The following RAB3B variants were observed in gnomAD, a reference collection of about 807,000 sequenced individuals.
RAB3B encodes RAB3B, member RAS oncogene family.
A neutral mutation model predicts 20.5 loss-of-function variants in RAB3B; 11 were observed. The observed-to-expected ratio is 0.54, with a 90% CI of 0.34 to 0.89. The LOEUF (loss-of-function observed/expected upper bound fraction) is 0.89, where lower values mean the gene tolerates loss of function less well. Among genes scored for constraint, RAB3B ranks in the 40% least tolerant of loss-of-function variants. The pLI, the probability that RAB3B is intolerant of heterozygous loss-of-function variation, is 0.02. For synonymous variants in RAB3B, 99 were observed against 106.3 expected, an observed-to-expected ratio of 0.93 and a Z score of 0.42; for missense variants, 225 against 280.9, an observed-to-expected ratio of 0.80 and a Z score of 1.42.
At chr1:51,984,057 G>A (rs1457337245) in intron 1 of RAB3B, among the ~76,000 whole-genome samples, 2 of 151,610 alleles carry the variant, frequency 1.3e-5, no homozygotes, top group Non-Finnish European at 2.9e-5. Flanking sequence ...GAGGTCAGGA[G>A]TTCGAGACCA....
At chr1:51,967,521 CTT>C (rs71041868) in intron 2 of RAB3B, among the ~76,000 whole-genome samples, 2 of 36,514 alleles carry the variant, frequency 5.5e-5, no homozygotes, top group Non-Finnish European at 1.1e-4. Context: ...TTTTCTTTTT[CTT>C]TTTTTTTTTT....
At chr1:51,944,993 C>A (rs545047151) in intron 2 of RAB3B, among the ~76,000 whole-genome samples, 1 of 152,152 alleles carries the variant, frequency 6.6e-6, no homozygotes, top group Non-Finnish European at 1.5e-5. Flanking sequence ...AAGAATCAAT[C>A]GATGCAGCAA....
rs4537499 is a variant in RAB3B, at chr1:51,915,880, G to A, written c.*4047C>T. 0.54 allele frequency: 81,725 copies of A among 151,976 alleles called. 22,954 individuals are homozygous for A. The highest frequency in any genetic ancestry group is 0.85 in the East Asian group (4,412 of 5,168). 9.4% of individuals were successfully genotyped at this position (151,976 alleles called of 1,614,324 possible). ...TAATTTTTGTATTTTTAGTAGAGATGGGGGTTTCACCATGTTGCCCAGGCT... is the reference window on the plus strand; with the variant it reads ...TAATTTTTGTATTTTTAGTAGAGATAGGGGTTTCACCATGTTGCCCAGGCT... On this transcript the variant is annotated 3_prime_UTR_variant, in exon 5 of 5. Transcript: ENST00000371655.
intron 2 of RAB3B, among the ~76,000 whole-genome samples, chr1:51,964,369 CT>C (rs1684820003): frequency 6.6e-6 from 1 of 152,192 alleles, no homozygotes; most frequent in African/African-American, 2.4e-5. Flanking sequence ...CCGATTCTCC[CT>C]CATCTTCCCA....
chr1:51,974,416 G>A (rs919517736), intron 2 of RAB3B, among the ~76,000 whole-genome samples: 8 of 152,128 alleles, frequency 5.3e-5, no homozygotes, highest in Non-Finnish European at 8.8e-5. Flanking sequence ...GTTCTGAGGT[G>A]GGCCTGAAAA....
At chr1:51,931,702 T>A (rs1304738058) in intron 4 of RAB3B, among the ~76,000 whole-genome samples, 1 of 150,686 alleles carries the variant, frequency 6.6e-6, no homozygotes, top group Non-Finnish European at 1.5e-5. Context: ...GTGACTCTTT[T>A]ACGTATGGGG....
At chr1:51,950,192 A>C (rs1258866876) in intron 2 of RAB3B, among the ~76,000 whole-genome samples, 2 of 152,066 alleles carry the variant, frequency 1.3e-5, no homozygotes, top group African/African-American at 2.4e-5. Context: ...ACAAGTTCTC[A>C]CTCTGGGTCA....
At position 51,914,724 on chromosome 1, in the gene RAB3B, T is replaced by C. The variant is rs1684057402; in HGVS notation, c.*5203A>G. On this transcript the variant is annotated 3_prime_UTR_variant, in exon 5 of 5. Transcript: ENST00000371655. The stretch of plus-strand genomic sequence containing the variant: ...TGATTCCCCAACTATGGCAGGTAAT[T>C]GGGTGTAGGCTTGGGGCAGGGAATC... The C allele has an allele frequency of 6.6e-6, 1 of 152,140 alleles. No individual in the cohort carries two copies. The highest frequency in any genetic ancestry group is 1.5e-5 in the Non-Finnish European group (1 of 68,006). 9.4% of individuals were successfully genotyped at this position (152,140 alleles called of 1,614,324 possible). A position where few individuals can be genotyped will look rare whatever the true frequency, so the allele number is the denominator to read the frequency against.
chr1:51,937,669 G>A (rs1684425578), intron 2 of RAB3B, among the ~76,000 whole-genome samples: 1 of 151,896 alleles, frequency 6.6e-6, no homozygotes, highest in Admixed American at 6.6e-5. Context: ...AGCTAATTTT[G>A]TATTTTTAGT....
chr1:51,919,963 G>A lies in RAB3B; in HGVS notation c.624C>T (p.Asp208=), dbSNP rs1230404910. The A allele has an allele frequency of 1.2e-6, 2 of 1,614,000 alleles. No homozygotes were observed. Among genetic ancestry groups the A allele is most frequent in the South Asian group, 1.1e-5 (1 of 91,064 alleles). The change falls in exon 5 of 5, where the codon GAC becomes GAT. Residue 208 remains aspartate (D), a synonymous_variant. Transcript: ENST00000371655. ...AGTTCTGCTGCAGCAGCGGTGGGGT[G>A]TCCGAGAGACGCGTGTTCTTGGAGG... The part of the protein sequence containing the change: ...LGSSKNTRLS[D]TPPLLQQNCS...
At chr1:51,972,738 A>G in intron 2 of RAB3B, among the ~76,000 whole-genome samples, 1 of 152,152 alleles carries the variant, frequency 6.6e-6, no homozygotes. Flanking sequence ...AGCTCTCATC[A>G]GACATCAACC....
rs1277415920 is a variant in RAB3B at position 51,915,731 on chromosome 1, G to T, written c.*4196C>A. 1.3e-5 allele frequency: 2 copies of T among 152,278 alleles called. No homozygotes were observed. The highest frequency in any genetic ancestry group is 4.8e-5 in the African/African-American group (2 of 41,444). The allele number at this position is 152,278 out of a possible 1,614,324, so 9.4% of individuals were successfully genotyped here. A position where few individuals can be genotyped will look rare whatever the true frequency, so the allele number is the denominator to read the frequency against. On this transcript the variant is annotated 3_prime_UTR_variant, in exon 5 of 5. Coordinates refer to ENST00000371655, the MANE Select transcript of RAB3B (RefSeq NM_002867.4). ...TTGTTTTGAGATGGAGTCTCGCTCT[G>T]TCACCCAGGCTGAAGTGCAGTGGCA...
chr1:51,964,031 C>T (rs1205404398), intron 2 of RAB3B, among the ~76,000 whole-genome samples: 2 of 152,150 alleles, frequency 1.3e-5, no homozygotes, highest in African/African-American at 4.8e-5. Flanking sequence ...ATTCACTTCC[C>T]CATTCACCTT....
At chr1:51,966,839 G>A (rs1377248824) in intron 2 of RAB3B, among the ~76,000 whole-genome samples, 1 of 152,096 alleles carries the variant, frequency 6.6e-6, no homozygotes, top group Non-Finnish European at 1.5e-5. Context: ...TCCCTGTTCA[G>A]CCTCCAGACT....
intron 4 of RAB3B, among the ~76,000 whole-genome samples, chr1:51,927,789 C>T (rs1397665338): frequency 3.3e-5 from 5 of 152,096 alleles, no homozygotes; most frequent in African/African-American, 9.7e-5. Context: ...GATGACAGAG[C>T]AAGATCTTGC....
intron 2 of RAB3B, among the ~76,000 whole-genome samples, chr1:51,953,240 A>T (rs1307249319): frequency 1.3e-5 from 2 of 152,174 alleles, no homozygotes; most frequent in East Asian, 3.9e-4. Context: ...CACCATTCAC[A>T]GCATTCTGAG....
chr1:51,941,829 T>C (rs1241350565), intron 2 of RAB3B, among the ~76,000 whole-genome samples: 2 of 152,214 alleles, frequency 1.3e-5, no homozygotes, highest in African/African-American at 2.4e-5. Context: ...GTTCTCCCTA[T>C]GAGTTCTGGA....
chr1:51,926,943 T>A (rs1684252706), intron 4 of RAB3B, among the ~76,000 whole-genome samples: 1 of 152,206 alleles, frequency 6.6e-6, no homozygotes, highest in Non-Finnish European at 1.5e-5. Flanking sequence ...ATATACTATG[T>A]ACTATACAGC....
intron 1 of RAB3B, among the ~76,000 whole-genome samples, 190 bp downstream of exon 1, chr1:51,990,362 A>G (rs1291518170): frequency 7.8e-6 from 1 of 128,054 alleles, no homozygotes; most frequent in East Asian, 2.3e-4. Flanking sequence ...CGTCTGGGAG[A>G]CCCCCTCGGC....
Sources: allele counts gnomAD v4.1 joint callset (sites outside exome capture counted in the v4.1 genomes callset), GRCh38; gene constraint gnomAD v4.1.1; transcripts MANE v1.5; gene names NCBI Gene and HGNC (gene_info 2026-07-23, HGNC 2026-07-21).